HMCN2: variants seen among roughly 807,000 people sequenced by gnomAD.
HMCN2 encodes the protein hemicentin-2.
HMCN2 carries 325 observed loss-of-function variants against 377.5 expected under a neutral mutation model. That is an observed-to-expected ratio of 0.86 (90% confidence interval 0.79 to 0.94). The LOEUF (loss-of-function observed/expected upper bound fraction) is 0.94, where lower values mean the gene tolerates loss of function less well. Among genes scored for constraint, HMCN2 ranks in the 40% least tolerant of loss-of-function variants. The pLI is 0.00. For missense variants in HMCN2, 4,543 were observed against 4,725.3 expected, an observed-to-expected ratio of 0.96 and a Z score of 1.13; for synonymous variants, 2,007 against 2,046.8, an observed-to-expected ratio of 0.98 and a Z score of 0.53.
rs537980261 is a variant in HMCN2 at position 130,392,865 on chromosome 9, G to A, written c.10137-347G>A. On this transcript the variant is annotated intron_variant, in intron 66 of 97. Transcript: ENST00000683500. ...CAAAAAATTAGCCGGGCCTGGTGGC[G>A]GGCGCCTGTAGTCCCAGCTACTCGG... Among the ~76,000 whole-genome samples the A allele has an allele frequency of 3.1e-4, 47 of 151,976 alleles. No individual in the cohort carries two copies. In the South Asian group the frequency reaches 6.0e-3, roughly 20 times the overall value.
chr9:130,390,556 G>GC (rs1265394555), intron 62 of HMCN2, among the ~76,000 whole-genome samples: 26 of 152,220 alleles, frequency 1.7e-4, no homozygotes, highest in Admixed American at 5.9e-4. Context: ...AGGCCTGAAG[G>GC]CCGGGAGTGG....
At chr9:130,365,804 C>T in intron 42 of HMCN2, 72 bp from the exon 43 acceptor site, 1 of 981,380 alleles carries the variant, frequency 1.0e-6, no homozygotes, top group Non-Finnish European at 1.2e-6. Context: ...CTCCTCCAGC[C>T]TGCCCTCGCC....
rs1177848391 is a variant in HMCN2, at chr9:130,269,894, T to C, written c.259+3757T>C. Among the ~76,000 whole-genome samples the C allele has an allele frequency of 2.0e-5, 3 of 148,236 alleles. 1 individual carries two copies. The highest frequency in any genetic ancestry group is 4.5e-5 in the Non-Finnish European group (3 of 66,016). On this transcript the variant is annotated intron_variant, in intron 1 of 97. Transcript: ENST00000683500. ...GGCGTGATCTCTGCTCACTGCAACC[T>C]CCACCTCCCAGGTTCAAGTGATTCT... is the stretch of plus-strand genomic sequence containing the variant.
At chr9:130,288,699 C>T (rs1554928904) in intron 4 of HMCN2, among the ~76,000 whole-genome samples, 4 of 152,238 alleles carry the variant, frequency 2.6e-5, no homozygotes, top group African/African-American at 9.6e-5. Context: ...GGGCCAGGTG[C>T]AGCTCTGAGT....
intron 25 of HMCN2, among the ~76,000 whole-genome samples, chr9:130,344,898 G>GGTGT (rs1193856320): frequency 5.3e-4 from 60 of 112,230 alleles, no homozygotes; most frequent in African/African-American, 1.8e-3. Flanking sequence ...TGGTGTATGT[G>GGTGT]GTGTGTGTGT....
chr9:130,283,429 C>A lies in HMCN2; in HGVS notation c.260-1174C>A, dbSNP rs568711485. Among the ~76,000 whole-genome samples the A allele has an allele frequency of 6.6e-5, 10 of 150,886 alleles. No homozygotes were observed. In the East Asian group the frequency reaches 1.4e-3, roughly 21 times the overall value. On this transcript the variant is annotated intron_variant, in intron 1 of 97. Coordinates refer to ENST00000683500, the MANE Select transcript of HMCN2 (RefSeq NM_001291815.2). ...CTCCTCCCACCCCCAACCCACCCCC[C>A]ACTCAGTGACGATCATTTGTTCTAG...
At chr9:130,370,837 C>G in intron 45 of HMCN2, 127 bp from the exon 46 acceptor site, 1 of 470,264 alleles carries the variant, frequency 2.1e-6, no homozygotes, top group Non-Finnish European at 2.8e-6. Flanking sequence ...GCTCTGCTCT[C>G]GTCACTTCTG....
intron 87 of HMCN2, among the ~76,000 whole-genome samples, chr9:130,424,270 C>G (rs1844196526): frequency 6.6e-6 from 1 of 151,076 alleles, no homozygotes; most frequent in East Asian, 1.9e-4. Flanking sequence ...GCTCTGCCTT[C>G]CGGGTTCACA....
chr9:130,409,181 A>ATC (rs2131744217), intron 84 of HMCN2, among the ~76,000 whole-genome samples: 1 of 152,332 alleles, frequency 6.6e-6, no homozygotes, highest in South Asian at 2.1e-4. Flanking sequence ...TTGTAATTAG[A>ATC]AATCAGTGAG....
Position 130,428,559 on chromosome 9 carries a change from AG to A in HMCN2, c.14197+75del, listed in dbSNP as rs2131828416. 6.6e-7 allele frequency: 1 copy of A among 1,517,720 alleles called. No individual in the cohort carries two copies. Among genetic ancestry groups the A allele is most frequent in the Non-Finnish European group, 8.8e-7 (1 of 1,134,388 alleles). 94.0% of individuals were successfully genotyped at this position (1,517,720 alleles called of 1,614,324 possible). On this transcript the variant is annotated intron_variant, in intron 93 of 97. Transcript: ENST00000683500. This position sits in a 1 kb window ranked among gnomAD's most constrained non-coding sequence, Gnocchi z 5.0. ...CAGAGGTTGCCAGGGATCAGCTGAC[AG>A]GGGGCTGTGTGTCACTGGGCTCTGG... is the stretch of plus-strand genomic sequence containing the variant.
At chr9:130,355,494 C>T (rs2131541843) in intron 32 of HMCN2, among the ~76,000 whole-genome samples, 1 of 152,340 alleles carries the variant, frequency 6.6e-6, no homozygotes, top group East Asian at 1.9e-4. Flanking sequence ...ACAAGGCCAA[C>T]CGGACTCCTG....
At chr9:130,371,995 A>T (rs1841048913) in intron 46 of HMCN2, among the ~76,000 whole-genome samples, 1 of 152,120 alleles carries the variant, frequency 6.6e-6, no homozygotes, top group Admixed American at 6.5e-5. Flanking sequence ...TACATAACCC[A>T]TTACTCTCCC....
intron 62 of HMCN2, 108 bp from the exon 63 acceptor site, chr9:130,390,869 C>G (rs1040571259): frequency 2.9e-6 from 2 of 701,408 alleles, no homozygotes; most frequent in African/African-American, 3.9e-5. Flanking sequence ...AGAGACTGGG[C>G]TGGGGAAGGT....
intron 15 of HMCN2, among the ~76,000 whole-genome samples, chr9:130,316,945 G>C (rs1248187584): frequency 2.0e-5 from 3 of 152,172 alleles, no homozygotes; most frequent in Non-Finnish European, 4.4e-5. Flanking sequence ...GGCCTATGAG[G>C]GTCCTGGGCT....
intron 65 of HMCN2, 91 bp downstream of exon 65, chr9:130,391,665 G>C: frequency 1.0e-6 from 1 of 976,400 alleles, no homozygotes; most frequent in Non-Finnish European, 1.2e-6. Context: ...CTGTGTCCTG[G>C]GCCACGGGTC....
chr9:130,395,071 A>G lies in HMCN2; in HGVS notation c.10737A>G (p.Ala3579=). Residue 3579 remains alanine (A), a synonymous_variant, in exon 70 of 98, where the codon GCA becomes GCG. Transcript: ENST00000683500. ...ACACTTGTCTGGCTGAAAGCCCTGC[A>G]GGTGCAATTGAGAAGAGCTTCCGGG... ...GLYTCLAESP[A]GAIEKSFRVR... 2 of 1,253,386 alleles carry G rather than the reference A, an allele frequency of 1.6e-6. No individual in the cohort carries two copies. The highest frequency in any genetic ancestry group is 2.0e-6 in the Non-Finnish European group (2 of 981,994). The allele number at this position is 1,253,386 out of a possible 1,614,324, so 77.6% of individuals were successfully genotyped here.
intron 29 of HMCN2, 75 bp downstream of exon 29, chr9:130,349,738 G>A (rs1448094659): frequency 8.0e-7 from 1 of 1,248,286 alleles, no homozygotes; most frequent in East Asian, 5.8e-5. Context: ...GGTTGGGGAA[G>A]GTTGAACTCT....
Position 130,357,853 on chromosome 9 carries a change from C to A in HMCN2, c.5445C>A (p.Ile1815=), listed in dbSNP as rs1046941592. 6 of 1,303,874 alleles carry A rather than the reference C, an allele frequency of 4.6e-6. No homozygotes were observed. In the African/African-American group the frequency reaches 9.1e-5, roughly 20 times the overall value. 80.8% of individuals were successfully genotyped at this position (1,303,874 alleles called of 1,614,324 possible). A position where few individuals can be genotyped will look rare whatever the true frequency, so the allele number is the denominator to read the frequency against. Residue 1815 remains isoleucine, a synonymous_variant, in exon 35 of 98, where the codon ATC becomes ATA. Coordinates refer to ENST00000683500, the MANE Select transcript of HMCN2 (RefSeq NM_001291815.2). ...TCCCAGAGTTCCCATCGGTCAGTAT[C>A]ATTGGGGGTGAGAACATCACAGCTC... The part of the protein sequence containing the change: ...VSVHEFPSVS[I]IGGENITAPF...
At chr9:130,312,539 CCTTTCTTTCTTTCTTTCTTTCTTT>C (rs1187968109) in intron 15 of HMCN2, among the ~76,000 whole-genome samples, 22 of 6,624 alleles carry the variant, frequency 3.3e-3, no homozygotes, top group East Asian at 8.6e-3. Context: ...CTCCCTCCCT[CCTTTCTTTCTTTCTTTCTTTCTTT>C]CTTTCTTTCT....
Sources: gnomAD v4.1 joint callset for allele counts (sites outside exome capture counted in the v4.1 genomes callset) on GRCh38, gnomAD v4.1.1 for gene constraint, Gnocchi (gnomAD v3.1) non-coding constraint, MANE v1.5 for transcripts, NCBI Gene and HGNC (gene_info 2026-07-23, HGNC 2026-07-21) for gene names.